MACROD2: variants seen among roughly 807,000 people sequenced by gnomAD.
MACROD2 encodes mono-ADP ribosylhydrolase 2.
A neutral mutation model predicts 70.4 loss-of-function variants in MACROD2; 36 were observed. The observed-to-expected ratio is 0.51, with a 90% CI of 0.39 to 0.68. The LOEUF (loss-of-function observed/expected upper bound fraction) is 0.68, where lower values mean the gene tolerates loss of function less well. MACROD2 is among the 30% of genes least tolerant of loss of function. The probability of loss-of-function intolerance (pLI) is 0.00; values close to 1 mark genes in which losing one functional copy is unlikely to be tolerated. For synonymous variants in MACROD2, 172 were observed against 178.8 expected, an observed-to-expected ratio of 0.96 and a Z score of 0.30; for missense variants, 496 against 538.4, an observed-to-expected ratio of 0.92 and a Z score of 0.78.
intron 4 of MACROD2, among the ~76,000 whole-genome samples, chr20:14,572,474 C>A (rs1354968712): frequency 6.6e-6 from 1 of 151,946 alleles, no homozygotes; most frequent in Non-Finnish European, 1.5e-5. Flanking sequence ...CAGAAGACTG[C>A]ATAAGAATCT....
At chr20:15,649,059 T>G (rs1483826585) in intron 8 of MACROD2, among the ~76,000 whole-genome samples, 1 of 147,838 alleles carries the variant, frequency 6.8e-6, no homozygotes, top group Non-Finnish European at 1.5e-5. Flanking sequence ...TTTGCTTTTT[T>G]CTTTTCTCCT....
intron 6 of MACROD2, among the ~76,000 whole-genome samples, chr20:15,243,653 C>T (rs1028169552): frequency 1.1e-4 from 16 of 152,046 alleles, no homozygotes; most frequent in African/African-American, 3.6e-4. Context: ...CGGTGGCTCA[C>T]GCCTGTAATC....
In MACROD2 at chr20:14,279,755, C is replaced by A. The variant is rs573026463; in HGVS notation, c.271+194027C>A. On this transcript the variant is annotated intron_variant, in intron 3 of 17. Transcript: ENST00000684519. ...TGTATGTAATACACAAAATTTACAT[C>A]CAAGAGATGTGAAAGCATAGATTTT... is the stretch of plus-strand genomic sequence containing the variant. Among the ~76,000 whole-genome samples, 19 of 152,232 alleles carry A rather than the reference C, an allele frequency of 1.2e-4. No homozygotes were observed. The South Asian group carries it at 3.5e-3, about 28-fold the overall frequency.
At chr20:14,832,498 G>C (rs1300541071) in intron 5 of MACROD2, among the ~76,000 whole-genome samples, 1 of 151,960 alleles carries the variant, frequency 6.6e-6, no homozygotes, top group Non-Finnish European at 1.5e-5. Context: ...CCCCCTCACT[G>C]CTGCTTCCTA....
chr20:15,312,423 T>C (rs1891521275), intron 6 of MACROD2, among the ~76,000 whole-genome samples: 2 of 152,220 alleles, frequency 1.3e-5, no homozygotes, highest in South Asian at 4.1e-4. Context: ...TTTTAAGGGC[T>C]TGGGGAGAAG....
At chr20:15,066,539 C>T (rs1220406722) in intron 5 of MACROD2, among the ~76,000 whole-genome samples, 1 of 152,094 alleles carries the variant, frequency 6.6e-6, no homozygotes, top group Admixed American at 6.6e-5. Flanking sequence ...ACATCAATGA[C>T]ACTAGGAAAA....
rs1279861268 is a variant in MACROD2 at position 15,132,366 on chromosome 20, A to C, written c.419-97574A>C. ...TTAAAGGGTCTGAATAAAATCGATA[A>C]AAAGTTAAAGCAAATGTAGATGTAG... On this transcript the variant is annotated intron_variant, in intron 5 of 17. Transcript: ENST00000684519. Among the ~76,000 whole-genome samples the C allele has an allele frequency of 4.6e-5, 7 of 152,030 alleles. No homozygotes were observed. The East Asian group carries it at 1.3e-3, about 29-fold the overall frequency.
chr20:14,477,060 C>T (rs1157347261), intron 3 of MACROD2, among the ~76,000 whole-genome samples: 1 of 152,126 alleles, frequency 6.6e-6, no homozygotes, highest in East Asian at 1.9e-4. Flanking sequence ...AATAATCTTT[C>T]TGCAGTGGTC....
At chr20:14,083,751 A>G (rs1942188030) in intron 2 of MACROD2, among the ~76,000 whole-genome samples, 1 of 151,922 alleles carries the variant, frequency 6.6e-6, no homozygotes, top group Non-Finnish European at 1.5e-5. Flanking sequence ...TCTCCTTGTC[A>G]TTATTACTAC....
chr20:14,960,512 C>T (rs996004627), intron 5 of MACROD2, among the ~76,000 whole-genome samples: 5 of 152,234 alleles, frequency 3.3e-5, no homozygotes, highest in African/African-American at 7.2e-5. Context: ...AGAGGGTTTT[C>T]GTATGTTTTT....
intron 4 of MACROD2, among the ~76,000 whole-genome samples, chr20:14,654,139 T>C (rs560932230): frequency 2.0e-5 from 3 of 152,300 alleles, no homozygotes; most frequent in African/African-American, 7.2e-5. Flanking sequence ...CAGAAACATA[T>C]TTAATTCGTT....
chr20:14,624,365 AT>A (rs1984009195), intron 4 of MACROD2, among the ~76,000 whole-genome samples: 1 of 152,196 alleles, frequency 6.6e-6, no homozygotes, highest in Admixed American at 6.6e-5. Context: ...ACTAAGGGAC[AT>A]TTTAATGCTG....
chr20:14,350,875 G>A (rs1235545624), intron 3 of MACROD2, among the ~76,000 whole-genome samples: 1 of 152,120 alleles, frequency 6.6e-6, no homozygotes, highest in African/African-American at 2.4e-5. Context: ...TTTCCTCATA[G>A]CTTGAGGTCT....
intron 5 of MACROD2, among the ~76,000 whole-genome samples, chr20:14,839,825 T>G (rs1449432076): frequency 6.6e-6 from 1 of 152,038 alleles, no homozygotes; most frequent in Non-Finnish European, 1.5e-5. Flanking sequence ...TTTCTAAAAT[T>G]TTAGATTAGG....
chr20:14,359,659 T>G (rs940310371), intron 3 of MACROD2, among the ~76,000 whole-genome samples: 16 of 151,988 alleles, frequency 1.1e-4, no homozygotes, highest in African/African-American at 3.9e-4. Flanking sequence ...ATTGCTTGAG[T>G]TCAGGAGTTT....
At chr20:15,838,323 C>A (rs1280281760) in intron 8 of MACROD2, among the ~76,000 whole-genome samples, 1 of 152,080 alleles carries the variant, frequency 6.6e-6, no homozygotes, top group Non-Finnish European at 1.5e-5. Context: ...TTGCTTTTAT[C>A]CTAATAGTGA....
chr20:14,062,539 A>G (rs916426926), intron 2 of MACROD2, among the ~76,000 whole-genome samples: 1 of 152,204 alleles, frequency 6.6e-6, no homozygotes, highest in East Asian at 1.9e-4. Context: ...TTGCAAAGAC[A>G]TGGAAGCATT....
intron 5 of MACROD2, among the ~76,000 whole-genome samples, chr20:15,197,984 C>A (rs1338026714): frequency 1.0e-5 from 1 of 97,422 alleles, no homozygotes; most frequent in African/African-American, 3.6e-5. Flanking sequence ...TTTTTTGAGA[C>A]GGAGTCTTGC....
chr20:15,672,348 TACACACAC>T (rs3071295), intron 8 of MACROD2, among the ~76,000 whole-genome samples: 1,847 of 141,950 alleles, frequency 0.013, 43 homozygotes, highest in African/African-American at 0.045. Flanking sequence ...TGTTCTATTT[TACACACAC>T]ACACACACAC....
Sources: allele counts gnomAD v4.1 joint callset (sites outside exome capture counted in the v4.1 genomes callset), GRCh38; gene constraint gnomAD v4.1.1; transcripts MANE v1.5; gene names NCBI Gene and HGNC (gene_info 2026-07-23, HGNC 2026-07-21).